The following TNPO1 variants were observed in gnomAD, a reference collection of about 807,000 sequenced individuals.
TNPO1 encodes transportin-1.
In TNPO1, 8 loss-of-function variants were observed where a neutral mutation model predicts 119.5. The ratio of observed to expected loss-of-function variants is 0.07; its 90% confidence interval spans 0.04 to 0.12. The LOEUF is 0.12. Ranked by LOEUF, TNPO1 falls within the 10% of genes least tolerant of loss-of-function variation. TNPO1 has a pLI of 1.00. For missense variants in TNPO1, 576 were observed against 1,089.8 expected, an observed-to-expected ratio of 0.53 and a Z score of 6.64; for synonymous variants, 362 against 363.0, an observed-to-expected ratio of 1.00 and a Z score of 0.03.
rs1249354608 is a variant in TNPO1 at position 72,912,140 on chromosome 5, T to C, written c.*3467T>C. ...AAATAATCAACATGTAAATAATCTT[T>C]TAAGAGCCAGTTCTGATGCTTTACA... On this transcript the variant is annotated 3_prime_UTR_variant, in exon 25 of 25. Coordinates refer to ENST00000337273, the MANE Select transcript of TNPO1 (RefSeq NM_002270.4). 6.6e-6 allele frequency: 1 copy of C among 152,534 alleles called. No individual in the cohort carries two copies. Among genetic ancestry groups the C allele is most frequent in the African/African-American group, 2.4e-5 (1 of 41,454 alleles). The allele number at this position is 152,534 out of a possible 1,614,324, so 9.4% of individuals were successfully genotyped here.
rs547354501 is a variant in TNPO1, at chr5:72,816,720, G to C, written c.-18G>C. 46 of 1,571,830 alleles carry C rather than the reference G, an allele frequency of 2.9e-5. No homozygotes were observed. In the Admixed American group the frequency reaches 6.6e-4, roughly 22 times the overall value. On this transcript the variant is annotated 5_prime_UTR_variant, in exon 1 of 25. Transcript: ENST00000337273. ...AGTGCCGCTTCGGCCGAAGGCCCGA[G>C]CGCCCGAGGCGTCTGGGATGGTGTG...
At position 72,888,028 on chromosome 5, in the gene TNPO1, A is replaced by G. The variant is rs752451267; in HGVS notation, c.1304-50A>G. 7 of 1,559,030 alleles carry G rather than the reference A, an allele frequency of 4.5e-6. No homozygotes were observed. In the African/African-American group the frequency reaches 6.8e-5, roughly 15 times the overall value. ...GTGTTTTATTTTCATAATCAACCAA[A>G]ATAATGTTAACTAAATTTTAGCATT... On this transcript the variant is annotated intron_variant, in intron 12 of 24. Coordinates refer to ENST00000337273, the MANE Select transcript of TNPO1 (RefSeq NM_002270.4).
At chr5:72,841,325 G>A (rs1432412489) in intron 1 of TNPO1, among the ~76,000 whole-genome samples, 1 of 151,884 alleles carries the variant, frequency 6.6e-6, no homozygotes, top group Non-Finnish European at 1.5e-5. Context: ...CACCATGTTG[G>A]CCAGGCTGGT....
chr5:72,842,081 A>G (rs190224914), intron 1 of TNPO1, among the ~76,000 whole-genome samples: 1 of 152,354 alleles, frequency 6.6e-6, no homozygotes, highest in Non-Finnish European at 1.5e-5. Flanking sequence ...ACTCAATGCT[A>G]TGAGAATACC....
At chr5:72,845,129 A>G (rs1484559301) in intron 1 of TNPO1, among the ~76,000 whole-genome samples, 6 of 148,218 alleles carry the variant, frequency 4.0e-5, no homozygotes, top group Admixed American at 1.4e-4. Flanking sequence ...CATAAGTTGT[A>G]AAGTTAATAT....
chr5:72,889,242 G>C (rs1748877101), intron 13 of TNPO1, among the ~76,000 whole-genome samples: 1 of 152,058 alleles, frequency 6.6e-6, no homozygotes, highest in Non-Finnish European at 1.5e-5. Flanking sequence ...ATTTTTAGTA[G>C]AGATGGGGTT....
chr5:72,859,924 T>C (rs1322878905), intron 4 of TNPO1, among the ~76,000 whole-genome samples: 1 of 152,218 alleles, frequency 6.6e-6, no homozygotes, highest in Non-Finnish European at 1.5e-5. Context: ...TTATTTCTTT[T>C]ATATTTTAAC....
At chr5:72,841,571 C>T (rs2112219441) in intron 1 of TNPO1, among the ~76,000 whole-genome samples, 1 of 152,000 alleles carries the variant, frequency 6.6e-6, no homozygotes, top group South Asian at 2.1e-4. Flanking sequence ...GAACTCATGA[C>T]CTTGTGATCC....
chr5:72,896,995 A>G, intron 19 of TNPO1, 61 bp from the exon 20 acceptor site: 1 of 982,470 alleles, frequency 1.0e-6, no homozygotes, highest in Non-Finnish European at 1.5e-6. Context: ...AATATTTCAC[A>G]TTGATATTTT....
chr5:72,822,040 T>C (rs1743981520), intron 1 of TNPO1, among the ~76,000 whole-genome samples: 1 of 152,204 alleles, frequency 6.6e-6, no homozygotes, highest in African/African-American at 2.4e-5. Flanking sequence ...AGACAAACTC[T>C]AATATATAGT....
rs1254405709 is a variant in TNPO1 at position 72,896,642 on chromosome 5, G to A, written c.2242+86G>A. On this transcript the variant is annotated intron_variant, in intron 19 of 24. Coordinates refer to ENST00000337273, the MANE Select transcript of TNPO1 (RefSeq NM_002270.4). The stretch of plus-strand genomic sequence containing the variant: ...CCCAGCACTTCGGGAGGCTGAGGCG[G>A]GCAGATCACCTGAGGTCAGGAGTTT... 4.9e-6 allele frequency: 5 copies of A among 1,023,806 alleles called. No individual in the cohort carries two copies. The African/African-American group carries it at 6.6e-5, about 14-fold the overall frequency. The allele number at this position is 1,023,806 out of a possible 1,614,324, so 63.4% of individuals were successfully genotyped here.
chr5:72,890,699 C>A (rs1025927678), intron 14 of TNPO1, among the ~76,000 whole-genome samples: 1 of 152,100 alleles, frequency 6.6e-6, no homozygotes, highest in Admixed American at 6.5e-5. Flanking sequence ...TTTACATGAT[C>A]ACTATGTTTA....
chr5:72,847,132 T>TA (rs1324753438), intron 1 of TNPO1, among the ~76,000 whole-genome samples: 3 of 152,014 alleles, frequency 2.0e-5, no homozygotes, highest in Non-Finnish European at 4.4e-5. Flanking sequence ...TACAGGCTAT[T>TA]AAGCAGAAAA....
chr5:72,884,400 T>G (rs905472636), intron 11 of TNPO1, among the ~76,000 whole-genome samples: 1 of 152,180 alleles, frequency 6.6e-6, no homozygotes, highest in African/African-American at 2.4e-5. Context: ...CCACAAGCTT[T>G]TTTGGTTTTT....
At chr5:72,853,637 A>C (rs1490255547) in intron 3 of TNPO1, among the ~76,000 whole-genome samples, 1 of 145,808 alleles carries the variant, frequency 6.9e-6, no homozygotes, top group Non-Finnish European at 1.5e-5. Context: ...GTAACACTTG[A>C]TATTTCTTCT....
At chr5:72,828,485 A>G (rs1215317969) in intron 1 of TNPO1, among the ~76,000 whole-genome samples, 1 of 152,178 alleles carries the variant, frequency 6.6e-6, no homozygotes, top group Non-Finnish European at 1.5e-5. Context: ...ACATTTTGCT[A>G]CATTTGTTTG....
At chr5:72,870,599 T>C (rs902563374) in intron 6 of TNPO1, among the ~76,000 whole-genome samples, 13 of 152,218 alleles carry the variant, frequency 8.5e-5, no homozygotes, top group Non-Finnish European at 5.9e-5. Flanking sequence ...CACTTTCTAG[T>C]TTTTTCCTTC....
At chr5:72,891,664 T>C in intron 14 of TNPO1, 146 bp from the exon 15 acceptor site, 1 of 566,582 alleles carries the variant, frequency 1.8e-6, no homozygotes, top group Non-Finnish European at 3.1e-6. Flanking sequence ...TAAAAGGGAC[T>C]GTGCAGAGTG....
At chr5:72,853,643 C>T (rs1745760021) in intron 3 of TNPO1, among the ~76,000 whole-genome samples, 1 of 136,744 alleles carries the variant, frequency 7.3e-6, no homozygotes, top group Admixed American at 8.1e-5. Flanking sequence ...CTTGATATTT[C>T]TTCTTGTGTT....
Sources: gnomAD v4.1 joint callset for allele counts (sites outside exome capture counted in the v4.1 genomes callset) on GRCh38, gnomAD v4.1.1 for gene constraint, MANE v1.5 for transcripts, NCBI Gene and HGNC (gene_info 2026-07-23, HGNC 2026-07-21) for gene names.